FASLG: variants seen among roughly 807,000 people sequenced by gnomAD.
The protein encoded by FASLG is tumor necrosis factor ligand superfamily member 6.
A neutral mutation model predicts 24.6 loss-of-function variants in FASLG; 9 were observed. That is an observed-to-expected ratio of 0.37 (90% confidence interval 0.22 to 0.64). FASLG has a LOEUF of 0.64. Ranked by LOEUF, FASLG falls within the 30% of genes least tolerant of loss-of-function variation. The pLI is 0.64. For synonymous variants in FASLG, 130 were observed against 135.5 expected (o/e 0.96, Z 0.28); for missense variants, 306 against 345.3 (o/e 0.89, Z 0.90).
rs1310181064 is a variant in FASLG at position 172,665,757 on chromosome 1, A to G, written c.587A>G (p.Tyr196Cys). The change falls in exon 4 of 4, where the codon TAC (tyrosine) becomes TGC (cysteine). Residue 196 changes from tyrosine to cysteine, a missense_variant. Transcript: ENST00000367721. ...TGLYFVYSKV[Y>C]FRGQSCNNLP... ...CTGTACTTTGTATATTCCAAAGTATACTTCCGGGGTCAATCTTGCAACAAC... is the reference window on the plus strand; with the variant it reads ...CTGTACTTTGTATATTCCAAAGTATGCTTCCGGGGTCAATCTTGCAACAAC... The G allele has an allele frequency of 3.7e-6, 6 of 1,614,140 alleles. No homozygotes were observed. Among genetic ancestry groups the G allele is most frequent in the South Asian group, 1.1e-5 (1 of 91,076 alleles).
chr1:172,660,232 T>G (rs1304312274), intron 2 of FASLG, 92 bp downstream of exon 2: 1 of 1,325,224 alleles, frequency 7.5e-7, no homozygotes, highest in Non-Finnish European at 1.1e-6. Flanking sequence ...TGTCCCACAC[T>G]TTGGTTTCTG....
chr1:172,659,361 C>T lies in FASLG; in HGVS notation c.160C>T (p.Leu54=). The change falls in exon 1 of 4, where the codon CTA becomes TTA. Residue 54 remains leucine, a synonymous_variant. Coordinates refer to ENST00000367721, the MANE Select transcript of FASLG (RefSeq NM_000639.3). ...ACCACCACCACCGCCACCGCCACCACTACCACCTCCGCCGCCGCCGCCACC... is the reference window on the plus strand; with the variant it reads ...ACCACCACCACCGCCACCGCCACCATTACCACCTCCGCCGCCGCCGCCACC... ...RPPPPPPPPP[L]PPPPPPPPLP... The T allele has an allele frequency of 1.2e-6, 2 of 1,611,322 alleles. No individual in the cohort carries two copies. The highest frequency in any genetic ancestry group is 1.7e-6 in the Non-Finnish European group (2 of 1,178,914).
At position 172,665,873 on chromosome 1, in the gene FASLG, A is replaced by C. The variant is rs1473790037; in HGVS notation, c.703A>C (p.Thr235Pro). 1 of 1,613,554 alleles carries C rather than the reference A, an allele frequency of 6.2e-7. No homozygotes were observed. The highest frequency in any genetic ancestry group is 1.3e-5 in the African/African-American group (1 of 75,022). Residue 235 changes from threonine to proline, a missense_variant, in exon 4 of 4, where the codon ACT (threonine) becomes CCT (proline). Coordinates refer to ENST00000367721, the MANE Select transcript of FASLG (RefSeq NM_000639.3). The stretch of plus-strand genomic sequence containing the variant: ...GGGGAAGATGATGAGCTACTGCACT[A>C]CTGGGCAGATGTGGGCCCGCAGCAG... ...MEGKMMSYCT[T>P]GQMWARSSYL... is the part of the protein sequence containing the mutation.
intron 2 of FASLG, 37 bp downstream of exon 2, chr1:172,660,177 G>A: frequency 6.3e-7 from 1 of 1,597,808 alleles, no homozygotes; most frequent in East Asian, 2.2e-5. Flanking sequence ...AGTTCCCAAA[G>A]ATGATCCTCA....
At chr1:172,660,030 T>G in intron 1 of FASLG, 65 bp from the exon 2 acceptor site, 1 of 1,501,198 alleles carries the variant, frequency 6.7e-7, no homozygotes, top group South Asian at 1.2e-5. Context: ...TATTTGACGA[T>G]TCTGCCTCTT....
chr1:172,663,288 C>T (rs760701435), intron 2 of FASLG, among the ~76,000 whole-genome samples: 5 of 152,018 alleles, frequency 3.3e-5, no homozygotes, highest in Non-Finnish European at 7.4e-5. Context: ...CTCAACGTAT[C>T]GTAAGGAACT....
At chr1:172,661,925 C>G (rs1261263655) in intron 2 of FASLG, among the ~76,000 whole-genome samples, 1 of 151,956 alleles carries the variant, frequency 6.6e-6, no homozygotes, top group Admixed American at 6.6e-5. Context: ...GTAATCCTAT[C>G]GCTAAGAATT....
chr1:172,659,147 A>T lies in FASLG; in HGVS notation c.-55A>T. On this transcript the variant is annotated 5_prime_UTR_variant, in exon 1 of 4. Coordinates refer to ENST00000367721, the MANE Select transcript of FASLG (RefSeq NM_000639.3). ...CCGTCCTTGACACCTCAGCCTCTAC[A>T]GGACTGAGAAGAAGTAAAACCGTTT... The T allele has an allele frequency of 6.2e-7, 1 of 1,612,378 alleles. No individual in the cohort carries two copies. The highest frequency in any genetic ancestry group is 1.7e-5 in the Admixed American group (1 of 59,828).
At chr1:172,661,346 T>C (rs1243056299) in intron 2 of FASLG, among the ~76,000 whole-genome samples, 1 of 152,222 alleles carries the variant, frequency 6.6e-6, no homozygotes, top group Non-Finnish European at 1.5e-5. Flanking sequence ...TCCTAGACTG[T>C]TAAGTTCTTA....
At position 172,659,234 on chromosome 1, in the gene FASLG, G is replaced by T. The variant is rs769081966; in HGVS notation, c.33G>T (p.Gln11His). 6.2e-7 allele frequency: 1 copy of T among 1,614,060 alleles called. No individual in the cohort carries two copies. The highest frequency in any genetic ancestry group is 2.2e-5 in the East Asian group (1 of 44,894). The change falls in exon 1 of 4, where the codon CAG (glutamine) becomes CAT (histidine). Residue 11 changes from glutamine to histidine, a missense_variant. Gln to His is a conservative substitution (Grantham distance 24). Transcript: ENST00000367721. MQQPFNYPYP[Q>H]IYWVDSSASS... is the part of the protein sequence containing the mutation. ...AGCCCTTCAATTACCCATATCCCCA[G>T]ATCTACTGGGTGGACAGCAGTGCCA... is the stretch of plus-strand genomic sequence containing the variant.
intron 2 of FASLG, among the ~76,000 whole-genome samples, chr1:172,663,583 G>A (rs1250270524): frequency 2.0e-5 from 3 of 152,100 alleles, no homozygotes; most frequent in African/African-American, 7.2e-5. Flanking sequence ...GTATGTGTAG[G>A]CCACAGAACT....
intron 2 of FASLG, among the ~76,000 whole-genome samples, chr1:172,663,120 G>A (rs920940103): frequency 2.0e-5 from 3 of 152,322 alleles, no homozygotes; most frequent in Non-Finnish European, 4.4e-5. Context: ...TCAGTTAGCT[G>A]AATTCATTAG....
chr1:172,660,112 C>T lies in FASLG; in HGVS notation c.366C>T (p.His122=), dbSNP rs751847640. ...TTTACTAGTCTACCAGCCAGATGCACACAGCATCATCTTTGGAGAAGCAAA... is the reference window on the plus strand; with the variant it reads ...TTTACTAGTCTACCAGCCAGATGCATACAGCATCATCTTTGGAGAAGCAAA... ...AELRESTSQM[H]TASSLEKQIG... The change falls in exon 2 of 4, where the codon CAC becomes CAT. Residue 122 remains histidine (H), a synonymous_variant. Coordinates refer to ENST00000367721, the MANE Select transcript of FASLG (RefSeq NM_000639.3). The T allele has an allele frequency of 1.9e-6, 3 of 1,614,110 alleles. No individual in the cohort carries two copies. Among genetic ancestry groups the T allele is most frequent in the South Asian group, 2.2e-5 (2 of 91,088 alleles).
At position 172,666,284 on chromosome 1, in the gene FASLG, T is replaced by A; in HGVS notation, c.*268T>A. 5 of 467,684 alleles carry A rather than the reference T, an allele frequency of 1.1e-5. No homozygotes were observed. Among genetic ancestry groups the A allele is most frequent in the Admixed American group, 3.3e-5 (1 of 30,320 alleles). The allele number at this position is 467,684 out of a possible 1,614,324, so 29.0% of individuals were successfully genotyped here. A position where few individuals can be genotyped will look rare whatever the true frequency, so the allele number is the denominator to read the frequency against. ...GAAGCATGAAAAAGCAGCTACCAGG[T>A]GTTCTACACTCATCTTAGTGCCTGA... On this transcript the variant is annotated 3_prime_UTR_variant, in exon 4 of 4. Transcript: ENST00000367721.
At chr1:172,662,815 G>A (rs1659171410) in intron 2 of FASLG, among the ~76,000 whole-genome samples, 1 of 152,186 alleles carries the variant, frequency 6.6e-6, no homozygotes, top group Admixed American at 6.5e-5. Flanking sequence ...CTCTGTGAGG[G>A]ATATAAAGAC....
intron 3 of FASLG, 61 bp downstream of exon 3, chr1:172,664,451 T>G: frequency 1.9e-6 from 3 of 1,549,928 alleles, no homozygotes; most frequent in Non-Finnish European, 2.7e-6. Flanking sequence ...GCAAAATGGC[T>G]GCCTGGTTTC....
At chr1:172,659,814 C>T (rs113728263) in intron 1 of FASLG, among the ~76,000 whole-genome samples, 22 of 152,060 alleles carry the variant, frequency 1.4e-4, no homozygotes, top group African/African-American at 5.1e-4. Context: ...CTGCCTCATA[C>T]CTATTGATTT....
rs1473740138 is a variant in FASLG at position 172,666,813 on chromosome 1, T to C, written c.*797T>C. The C allele has an allele frequency of 1.3e-5, 2 of 152,488 alleles. No individual in the cohort carries two copies. Among genetic ancestry groups the C allele is most frequent in the Non-Finnish European group, 2.9e-5 (2 of 68,042 alleles). 9.4% of individuals were successfully genotyped at this position (152,488 alleles called of 1,614,324 possible). A position where few individuals can be genotyped will look rare whatever the true frequency, so the allele number is the denominator to read the frequency against. On this transcript the variant is annotated 3_prime_UTR_variant, in exon 4 of 4. Transcript: ENST00000367721. ...TTTCCTATAATATAATAAATATTTATGTAGATGTGCATTTTTGTGAAATGA... is the reference window on the plus strand; with the variant it reads ...TTTCCTATAATATAATAAATATTTACGTAGATGTGCATTTTTGTGAAATGA...
intron 2 of FASLG, among the ~76,000 whole-genome samples, chr1:172,661,985 T>A (rs547850127): frequency 9.1e-4 from 138 of 152,192 alleles, no homozygotes; most frequent in Non-Finnish European, 1.5e-3. Flanking sequence ...TATATAAGGA[T>A]GTTCATTACT....
Sources: allele counts gnomAD v4.1 joint callset (sites outside exome capture counted in the v4.1 genomes callset), GRCh38; gene constraint gnomAD v4.1.1; transcripts MANE v1.5; gene names NCBI Gene and HGNC (gene_info 2026-07-23, HGNC 2026-07-21).